Variants in FAM171A1 observed in about 807,000 individuals in gnomAD.
FAM171A1 encodes protein FAM171A1.
In FAM171A1, 23 loss-of-function variants were observed where a neutral mutation model predicts 74.9. That is an observed-to-expected ratio of 0.31 (90% confidence interval 0.22 to 0.44). The LOEUF (loss-of-function observed/expected upper bound fraction) is 0.44. FAM171A1 is among the 20% of genes least tolerant of loss of function. The probability of loss-of-function intolerance (pLI) is 1.00; values close to 1 mark genes in which losing one functional copy is unlikely to be tolerated. For synonymous variants in FAM171A1, 527 were observed against 505.7 expected (o/e 1.04, Z -0.57); for missense variants, 1,162 against 1,159.2 (o/e 1.00, Z -0.03).
intron 5 of FAM171A1, among the ~76,000 whole-genome samples, chr10:15,239,197 C>T (rs969981232): frequency 6.6e-6 from 1 of 152,228 alleles, no homozygotes; most frequent in African/African-American, 2.4e-5. Flanking sequence ...GAGGCATTCG[C>T]TATGACTAAC....
At position 15,275,774 on chromosome 10, in the gene FAM171A1, A is replaced by G. The variant is rs377655620; in HGVS notation, c.418+81T>C. 4.2e-4 allele frequency: 390 copies of G among 921,868 alleles called. 4 individuals are homozygous for G. The South Asian group carries it at 4.5e-3, about 11-fold the overall frequency. 57.1% of individuals were successfully genotyped at this position (921,868 alleles called of 1,614,324 possible). A position where few individuals can be genotyped will look rare whatever the true frequency, so the allele number is the denominator to read the frequency against. Reference sequence around the variant, plus strand: ...AATCCACCTTGTATACAAACATCACATCACATTGTACACCATAAATGTATA... The same window carrying G: ...AATCCACCTTGTATACAAACATCACGTCACATTGTACACCATAAATGTATA... On this transcript the variant is annotated intron_variant, in intron 3 of 7. Transcript: ENST00000378116.
intron 5 of FAM171A1, among the ~76,000 whole-genome samples, chr10:15,225,602 CG>C: frequency 6.6e-6 from 1 of 152,298 alleles, no homozygotes; most frequent in East Asian, 1.9e-4. Context: ...ACCGGAGCAG[CG>C]GGCACCAGGG....
Position 15,275,850 on chromosome 10 carries a change from T to C in FAM171A1, c.418+5A>G, listed in dbSNP as rs1418888041. 14 of 1,581,702 alleles carry C rather than the reference T, an allele frequency of 8.9e-6. No individual in the cohort carries two copies. The highest frequency in any genetic ancestry group is 2.3e-5 in the South Asian group (2 of 87,848). On this transcript the variant is annotated splice_donor_5th_base_variant and intron_variant, in intron 3 of 7. Coordinates refer to ENST00000378116, the MANE Select transcript of FAM171A1 (RefSeq NM_001010924.2). ...AATAAAAACTGAAAAAAATATTAAA[T>C]ATACCTTGGAATCCTGATACTATTT...
Position 15,221,068 on chromosome 10 carries a change from A to C in FAM171A1, c.755-8T>G. On this transcript the variant is annotated splice_polypyrimidine_tract_variant and splice_region_variant and intron_variant, in intron 5 of 7. Coordinates refer to ENST00000378116, the MANE Select transcript of FAM171A1 (RefSeq NM_001010924.2). ...CGCTCTTCAGCCACGTTCCTGTGGA[A>C]TTGAGAAAGAGATGTTAGCTACAAG... 6.2e-7 allele frequency: 1 copy of C among 1,612,236 alleles called. No homozygotes were observed. Among genetic ancestry groups the C allele is most frequent in the Non-Finnish European group, 8.5e-7 (1 of 1,178,542 alleles).
chr10:15,278,186 G>A (rs531983287), intron 2 of FAM171A1, among the ~76,000 whole-genome samples: 1 of 152,348 alleles, frequency 6.6e-6, no homozygotes, highest in South Asian at 2.1e-4. Context: ...TACACCCTGG[G>A]TGGAACAGAT....
At chr10:15,244,536 C>CA (rs1834405907) in intron 5 of FAM171A1, among the ~76,000 whole-genome samples, 1 of 152,106 alleles carries the variant, frequency 6.6e-6, no homozygotes, top group Non-Finnish European at 1.5e-5. Context: ...CAAAAGAAAA[C>CA]AAAAAACCCT....
chr10:15,309,679 ACAAAC>A (rs1835337300), intron 1 of FAM171A1, among the ~76,000 whole-genome samples: 1 of 152,278 alleles, frequency 6.6e-6, no homozygotes, highest in African/African-American at 2.4e-5. Context: ...ACTTGAATCT[ACAAAC>A]AAAACAAAGT....
intron 5 of FAM171A1, among the ~76,000 whole-genome samples, chr10:15,243,207 C>A (rs1007265878): frequency 6.6e-6 from 1 of 152,120 alleles, no homozygotes; most frequent in Non-Finnish European, 1.5e-5. Flanking sequence ...GTGCATGGCT[C>A]CGGCCTGCGC....
intron 6 of FAM171A1, among the ~76,000 whole-genome samples, chr10:15,219,714 T>C (rs1449664918): frequency 6.6e-6 from 1 of 152,218 alleles, no homozygotes; most frequent in Non-Finnish European, 1.5e-5. Context: ...CCCAAGTAGC[T>C]GGGACTACAG....
At chr10:15,261,650 G>T (rs1834659009) in intron 3 of FAM171A1, among the ~76,000 whole-genome samples, 1 of 152,142 alleles carries the variant, frequency 6.6e-6, no homozygotes, top group African/African-American at 2.4e-5. Context: ...TTCCCGGGCT[G>T]GTATTTGTGA....
At chr10:15,330,279 C>T (rs1444405659) in intron 1 of FAM171A1, among the ~76,000 whole-genome samples, 1 of 152,134 alleles carries the variant, frequency 6.6e-6, no homozygotes, top group Non-Finnish European at 1.5e-5. Flanking sequence ...GTGGAGGTTG[C>T]AGTGAGCCAA....
chr10:15,371,593 C>T (rs1274523529), upstream of FAM171A1, among the ~76,000 whole-genome samples: 1 of 152,168 alleles, frequency 6.6e-6, no homozygotes, highest in Non-Finnish European at 1.5e-5. Context: ...GTTGTGTCCC[C>T]CAACGTAGAT....
chr10:15,307,375 TG>T (rs1835309180), intron 1 of FAM171A1, among the ~76,000 whole-genome samples: 1 of 152,092 alleles, frequency 6.6e-6, no homozygotes, highest in Non-Finnish European at 1.5e-5. Flanking sequence ...CCGGGTGCAG[TG>T]GCTCACACCT....
At chr10:15,368,153 T>C (rs1836088680) in intron 1 of FAM171A1, among the ~76,000 whole-genome samples, 1 of 152,250 alleles carries the variant, frequency 6.6e-6, no homozygotes, top group Non-Finnish European at 1.5e-5. Context: ...CTAGTTCAAA[T>C]TCATGATAAA....
At chr10:15,331,880 C>CATATACATATATATATATATATAT (rs369794100) in intron 1 of FAM171A1, among the ~76,000 whole-genome samples, 2 of 59,676 alleles carry the variant, frequency 3.4e-5, no homozygotes, top group African/African-American at 1.3e-4. Context: ...TGTGTGTATA[C>CATATACATATATATATATATATAT]ATATATATAT....
intron 7 of FAM171A1, among the ~76,000 whole-genome samples, chr10:15,214,852 A>G (rs1833947796): frequency 6.7e-6 from 1 of 150,246 alleles, no homozygotes; most frequent in South Asian, 2.1e-4. Flanking sequence ...GCTTGACCTC[A>G]TGGGCTCAAG....
chr10:15,349,408 C>T (rs1005726424), intron 1 of FAM171A1, among the ~76,000 whole-genome samples: 1 of 152,322 alleles, frequency 6.6e-6, no homozygotes, highest in East Asian at 1.9e-4. Context: ...ATCAGTGAAT[C>T]GATGAATATC....
chr10:15,328,019 T>C (rs1284071231), intron 1 of FAM171A1, among the ~76,000 whole-genome samples: 5 of 150,468 alleles, frequency 3.3e-5, no homozygotes, highest in Admixed American at 2.7e-4. Flanking sequence ...CTCAGAACAC[T>C]GTAGACAGAA....
rs561926374 is a variant in FAM171A1 at position 15,216,942 on chromosome 10, T to C, written c.872-832A>G. 3.9e-5 allele frequency among the ~76,000 whole-genome samples: 6 copies of C among 152,078 alleles called. No homozygotes were observed. In the South Asian group the frequency reaches 1.2e-3, roughly 32 times the overall value. ...AATGAATCAGTTTAAATGTATGACA[T>C]ACATTTCCTGTGACTTAAAAAAGTC... On this transcript the variant is annotated intron_variant, in intron 6 of 7. Transcript: ENST00000378116.
Sources: gnomAD v4.1 joint callset for allele counts (sites outside exome capture counted in the v4.1 genomes callset) on GRCh38, gnomAD v4.1.1 for gene constraint, MANE v1.5 for transcripts, NCBI Gene and HGNC (gene_info 2026-07-23, HGNC 2026-07-21) for gene names.